The following FAT2 variants were observed in gnomAD, a reference collection of about 807,000 sequenced individuals.
FAT2 encodes the protein FAT atypical cadherin 2.
A neutral mutation model predicts 295.3 loss-of-function variants in FAT2; 150 were observed. The ratio of observed to expected loss-of-function variants is 0.51; its 90% confidence interval spans 0.44 to 0.58. The LOEUF is 0.58. Among genes scored for constraint, FAT2 ranks in the 20% least tolerant of loss-of-function variants. The pLI is 0.00. For missense variants in FAT2, 4,868 were observed against 5,442.7 expected (o/e 0.89, Z 3.32); for synonymous variants, 2,026 against 2,150.3 (o/e 0.94, Z 1.60).
chr5:151,580,612 C>T (rs1268599662), intron 1 of FAT2, among the ~76,000 whole-genome samples: 1 of 152,184 alleles, frequency 6.6e-6, no homozygotes, highest in Non-Finnish European at 1.5e-5. Context: ...CACACACACA[C>T]GGGTCTTTGT....
At chr5:151,546,785 C>T (rs1051942244) in intron 9 of FAT2, among the ~76,000 whole-genome samples, 1 of 152,048 alleles carries the variant, frequency 6.6e-6, no homozygotes, top group Non-Finnish European at 1.5e-5. Context: ...GTGATGTGAG[C>T]ATGGCTCACT....
At chr5:151,591,794 A>G (rs1759421944), upstream of FAT2, among the ~76,000 whole-genome samples, 1 of 152,206 alleles carries the variant, frequency 6.6e-6, no homozygotes, top group Non-Finnish European at 1.5e-5. Flanking sequence ...TCTGAGCCTC[A>G]GTTTCCTTTT....
chr5:151,517,472 G>A, intron 20 of FAT2, 148 bp downstream of exon 20: 6 of 964,628 alleles, frequency 6.2e-6, no homozygotes, highest in Non-Finnish European at 9.2e-6. Context: ...GGATAATCAT[G>A]TGGCCCAACA....
Position 151,565,679 on chromosome 5 carries a change from C to A in FAT2, c.3253G>T (p.Asp1085Tyr), listed in dbSNP as rs915165920. ...CCTACCCCACCCCCAGTACCTGTAT[C>A]TTGGTTGATGCTGAAGGCTGCGAGT... ...TGLAAFSINQ[D>Y]TGMIQTLAPL... is the part of the protein sequence containing the mutation. The change falls in exon 2 of 24, where the codon GAT becomes TAT. Residue 1085 changes from aspartate (D) to tyrosine (Y), a missense_variant. Transcript: ENST00000261800. 10 of 835,684 alleles carry A rather than the reference C, an allele frequency of 1.2e-5. No homozygotes were observed. The highest frequency in any genetic ancestry group is 1.1e-4 in the East Asian group (2 of 18,482). The allele number at this position is 835,684 out of a possible 1,614,324, so 51.8% of individuals were successfully genotyped here.
chr5:151,507,750 T>C, intron 22 of FAT2, 139 bp from the exon 23 acceptor site: 1 of 702,060 alleles, frequency 1.4e-6, no homozygotes, highest in East Asian at 2.7e-5. Context: ...AAAGTAACTA[T>C]CAAGCATATC....
Position 151,539,425 on chromosome 5 carries a change from A to G in FAT2, c.9039+1142T>C, listed in dbSNP as rs138641225. On this transcript the variant is annotated intron_variant, in intron 11 of 23. Transcript: ENST00000261800. ...GTATGTTCATGTGAATTTGTTACGT[A>G]TAGTTGCATGTGTGGGTGAGTATAT... is the stretch of plus-strand genomic sequence containing the variant. Among the ~76,000 whole-genome samples the G allele has an allele frequency of 6.0e-3, 917 of 152,268 alleles. 11 individuals carry two copies. Among genetic ancestry groups the G allele is most frequent in the African/African-American group, 0.021 (866 of 41,552 alleles).
Position 151,531,965 on chromosome 5 carries a change from T to C in FAT2, c.9433A>G (p.Asn3145Asp). The change falls in exon 14 of 24, where the codon AAT (asparagine) becomes GAT (aspartate). Residue 3145 changes from asparagine to aspartate, a missense_variant. Transcript: ENST00000261800. The surrounding 1 kb of genome is among the most constrained non-coding windows in gnomAD (Gnocchi z 5.7). The part of the protein sequence containing the change: ...VFARDPDQGA[N>D]AQVVYSLPDS... ...GGCAGAGAGTAAACCACCTGGGCAT[T>C]GGCGCCTGGCAGGGAGACCAAGGGT... 6.2e-7 allele frequency: 1 copy of C among 1,614,044 alleles called. No individual in the cohort carries two copies. The highest frequency in any genetic ancestry group is 8.5e-7 in the Non-Finnish European group (1 of 1,179,956).
chr5:151,554,596 G>A lies in FAT2; in HGVS notation c.3711C>T (p.Asp1237=), dbSNP rs779737215. The change falls in exon 5 of 24, where the codon GAC becomes GAT. Residue 1237 remains aspartate (D), a synonymous_variant. Coordinates refer to ENST00000261800, the MANE Select transcript of FAT2 (RefSeq NM_001447.3). ...GCTTGTGGGAGAATATAGGTGGATT[G>A]TCATTGACGTCCAAGATGCCTACCA... ...RVVVGILDVN[D]NPPIFSHKLF... The A allele has an allele frequency of 4.3e-6, 7 of 1,614,188 alleles. No homozygotes were observed. The highest frequency in any genetic ancestry group is 5.9e-6 in the Non-Finnish European group (7 of 1,180,018).
In FAT2 at chr5:151,565,920, A is replaced by G. The variant is rs1758236528; in HGVS notation, c.3012T>C (p.Gly1004=). Residue 1004 remains glycine (G), a synonymous_variant, in exon 2 of 24, where the codon GGT becomes GGC. Transcript: ENST00000261800. ...GAGTCCTGCGGGCTAGGGGCCTCCC[A>G]CCATCACTGGCCCACAGGCTCAGAT... is the stretch of plus-strand genomic sequence containing the variant. ...GYNLSLWASD[G]GRPLARRTLC... 2 of 1,613,760 alleles carry G rather than the reference A, an allele frequency of 1.2e-6. No homozygotes were observed. The highest frequency in any genetic ancestry group is 1.3e-5 in the African/African-American group (1 of 74,886).
chr5:151,575,923 TTTATC>T (rs1758729703), intron 1 of FAT2, among the ~76,000 whole-genome samples: 1 of 152,186 alleles, frequency 6.6e-6, no homozygotes, highest in Non-Finnish European at 1.5e-5. Flanking sequence ...AGTTTTTCAT[TTTATC>T]TTATTTTAAT....
chr5:151,552,348 T>A (rs1189970784), intron 6 of FAT2, among the ~76,000 whole-genome samples: 1 of 152,024 alleles, frequency 6.6e-6, no homozygotes. Context: ...AGAAAAAAAG[T>A]CAAACAAAAC....
intron 1 of FAT2, among the ~76,000 whole-genome samples, chr5:151,590,910 A>T (rs1190390742): frequency 2.6e-5 from 4 of 152,226 alleles, no homozygotes; most frequent in African/African-American, 9.6e-5. Flanking sequence ...ACAAGATCAC[A>T]GTCTCAGCCT....
At chr5:151,549,157 G>T (rs527522037) in intron 9 of FAT2, 138 bp downstream of exon 9, 4 of 730,152 alleles carry the variant, frequency 5.5e-6, no homozygotes, top group Non-Finnish European at 9.0e-6. Flanking sequence ...GTAGTCCCAG[G>T]GAATGCTCTA....
At chr5:151,524,353 CAT>C (rs1220100886) in intron 18 of FAT2, among the ~76,000 whole-genome samples, 2 of 152,052 alleles carry the variant, frequency 1.3e-5, no homozygotes, top group Admixed American at 1.3e-4. Context: ...CCTCAAAATT[CAT>C]ATGTTAAAAT....
rs753494359 is a variant in FAT2 at position 151,542,389 on chromosome 5, C to A, written c.8738G>T (p.Gly2913Val). ...APRFASEEYR[G>V]SVVENSEPGE... ...AGGCTCACTGTTCTCAACCACAGAT[C>A]CTCTGTACTCTTCAGAAGCAAATCG... Residue 2913 changes from glycine to valine, a missense_variant, in exon 10 of 24, where the codon GGA (glycine) becomes GTA (valine). Gly to Val is a moderately radical substitution (Grantham distance 109, BLOSUM62 -3). Coordinates refer to ENST00000261800, the MANE Select transcript of FAT2 (RefSeq NM_001447.3). 1.2e-6 allele frequency: 2 copies of A among 1,614,170 alleles called. No individual in the cohort carries two copies. The highest frequency in any genetic ancestry group is 2.2e-5 in the South Asian group (2 of 91,076).
At chr5:151,570,701 C>A (rs567566596) in intron 1 of FAT2, among the ~76,000 whole-genome samples, 1 of 152,324 alleles carries the variant, frequency 6.6e-6, no homozygotes, top group Admixed American at 6.5e-5. Context: ...AGCTTCATGG[C>A]TGCCAGCCAG....
Position 151,549,361 on chromosome 5 carries a change from G to T in FAT2, c.4723C>A (p.Leu1575Met), listed in dbSNP as rs764879035. 1.2e-6 allele frequency: 2 copies of T among 1,614,046 alleles called. No individual in the cohort carries two copies. Among genetic ancestry groups the T allele is most frequent in the Non-Finnish European group, 1.7e-6 (2 of 1,180,028 alleles). The part of the protein sequence containing the change: ...PDTIAPGTEL[L>M]QVRAMDADRG... ...TCAGCATCCATGGCTCGGACCTGCA[G>T]CAGCTCTGTGCCGGGGGCTATGGTG... Residue 1575 changes from leucine (L) to methionine (M), a missense_variant, in exon 9 of 24, where the codon CTG becomes ATG. Leu to Met is a conservative substitution (Grantham distance 15). Transcript: ENST00000261800.
Position 151,567,052 on chromosome 5 carries a change from T to C in FAT2, c.1880A>G (p.Asn627Ser), listed in dbSNP as rs144956475. Reference protein sequence around the residue: ...GVISLKRPFINLTAGQPTSYS... With the variant: ...GVISLKRPFISLTAGQPTSYS... ...ACTGGTGGGTTGACCAGCAGTAAGATTGATAAAAGGGCGTTTGAGGGATAT... is the reference window on the plus strand; with the variant it reads ...ACTGGTGGGTTGACCAGCAGTAAGACTGATAAAAGGGCGTTTGAGGGATAT... The change falls in exon 2 of 24, where the codon AAT becomes AGT. Residue 627 changes from asparagine (N) to serine (S), a missense_variant. Coordinates refer to ENST00000261800, the MANE Select transcript of FAT2 (RefSeq NM_001447.3). The C allele has an allele frequency of 1.5e-3, 2,414 of 1,614,140 alleles. 7 individuals carry two copies. The highest frequency in any genetic ancestry group is 3.1e-3 in the South Asian group (281 of 91,074).
At position 151,543,212 on chromosome 5, in the gene FAT2, C is replaced by T; in HGVS notation, c.7915G>A (p.Val2639Ile). 1 of 1,614,180 alleles carries T rather than the reference C, an allele frequency of 6.2e-7. No homozygotes were observed. The highest frequency in any genetic ancestry group is 8.5e-7 in the Non-Finnish European group (1 of 1,180,028). ...LVKDVIEINP[V>I]TGVVKVKDSL... ...TCTTTCACCTTGACCACACCAGTGACTGGGTTAATTTCAATGACATCTTTA... is the reference window on the plus strand; with the variant it reads ...TCTTTCACCTTGACCACACCAGTGATTGGGTTAATTTCAATGACATCTTTA... The change falls in exon 10 of 24, where the codon GTC becomes ATC. Residue 2639 changes from valine to isoleucine, a missense_variant. By Grantham distance (29) the Val-to-Ile change is conservative. Around this residue, in one of 5 missense-constraint regions of FAT2, gnomAD observed 3,297 missense variants for 3,669.4 expected, o/e 0.90. Coordinates refer to ENST00000261800, the MANE Select transcript of FAT2 (RefSeq NM_001447.3).
Sources: gnomAD v4.1 joint callset for allele counts (sites outside exome capture counted in the v4.1 genomes callset) on GRCh38, gnomAD v4.1.1 for gene constraint, gnomAD v4.1.1 regional missense constraint, Gnocchi (gnomAD v3.1) non-coding constraint, MANE v1.5 for transcripts, NCBI Gene and HGNC (gene_info 2026-07-23, HGNC 2026-07-21) for gene names.